The following MED12L variants were observed in gnomAD, a reference collection of about 807,000 sequenced individuals.
The protein encoded by MED12L is mediator complex subunit 12L.
Under a neutral mutation model 281.3 loss-of-function variants are expected in MED12L, and 60 were observed. That is an observed-to-expected ratio of 0.21 (90% CI 0.17 to 0.26). The LOEUF (loss-of-function observed/expected upper bound fraction) is 0.26, where lower values mean the gene tolerates loss of function less well. Ranked by LOEUF, MED12L falls within the 10% of genes least tolerant of loss-of-function variation. The probability of loss-of-function intolerance (pLI) is 1.00; values close to 1 mark genes in which losing one functional copy is unlikely to be tolerated. For synonymous variants in MED12L, 974 were observed against 987.2 expected (o/e 0.99, Z 0.25); for missense variants, 2,146 against 2,680.9 (o/e 0.80, Z 4.41).
chr3:151,092,676 A>C (rs982847002), intron 2 of MED12L, among the ~76,000 whole-genome samples: 3 of 152,038 alleles, frequency 2.0e-5, no homozygotes, highest in African/African-American at 7.2e-5. Context: ...AAAGGGGAGG[A>C]TGTTGATAAA....
At chr3:151,303,929 C>T (rs1746288387) in intron 16 of MED12L, among the ~76,000 whole-genome samples, 1 of 152,004 alleles carries the variant, frequency 6.6e-6, no homozygotes, top group South Asian at 2.1e-4. Flanking sequence ...TCATGTGAAC[C>T]AAAAAGAGAG....
At chr3:151,087,860 A>G (rs1386924555) in intron 2 of MED12L, among the ~76,000 whole-genome samples, 2 of 151,778 alleles carry the variant, frequency 1.3e-5, no homozygotes, top group East Asian at 3.9e-4. Context: ...ACCTTTGGCT[A>G]CACCATTTGC....
At position 151,294,206 on chromosome 3, in the gene MED12L, G is replaced by C. The variant is rs142901780; in HGVS notation, c.2251-55853G>C. 40 of 1,610,910 alleles carry C rather than the reference G, an allele frequency of 2.5e-5. No homozygotes were observed. In the African/African-American group the frequency reaches 5.2e-4, roughly 21 times the overall value. On this transcript the variant is annotated intron_variant, in intron 16 of 44. Coordinates refer to ENST00000687756, the MANE Select transcript of MED12L (RefSeq NM_001393769.1). ...GTAATCATAATATATGCGAACTTCC[G>C]ATCTTCTCACACTTTGCAGTGATCT...
At chr3:151,422,148 AC>A (rs2108430993) in intron 43 of MED12L, among the ~76,000 whole-genome samples, 1 of 152,298 alleles carries the variant, frequency 6.6e-6, no homozygotes, top group East Asian at 1.9e-4. Flanking sequence ...ACTTCCTGCC[AC>A]TAGAGGACTT....
At chr3:151,360,414 A>C in intron 20 of MED12L, 60 bp from the exon 21 acceptor site, 3 of 1,509,808 alleles carry the variant, frequency 2.0e-6, no homozygotes, top group Non-Finnish European at 2.7e-6. Flanking sequence ...TAAAAGAGTC[A>C]AATGATAACC....
chr3:151,408,936 T>C (rs552070003), intron 39 of MED12L, among the ~76,000 whole-genome samples: 5 of 152,196 alleles, frequency 3.3e-5, no homozygotes, highest in Non-Finnish European at 7.3e-5. Flanking sequence ...TAGTGGGACA[T>C]TTATACCCTG....
At chr3:151,104,006 A>G (rs1721704081) in intron 2 of MED12L, among the ~76,000 whole-genome samples, 1 of 152,168 alleles carries the variant, frequency 6.6e-6, no homozygotes, top group Non-Finnish European at 1.5e-5. Context: ...TATTATTACC[A>G]TGATTTTTTT....
intron 14 of MED12L, among the ~76,000 whole-genome samples, 171 bp downstream of exon 14, chr3:151,191,102 T>C (rs555758106): frequency 6.6e-6 from 1 of 152,364 alleles, no homozygotes; most frequent in East Asian, 1.9e-4. Context: ...CACTGTAGCT[T>C]CTTATGTCTT....
chr3:151,256,630 A>G (rs1336314919), intron 16 of MED12L, among the ~76,000 whole-genome samples: 2 of 152,250 alleles, frequency 1.3e-5, no homozygotes, highest in African/African-American at 4.8e-5. Flanking sequence ...CTGCTGTCCT[A>G]CAGGAAAGAC....
chr3:151,163,861 T>C (rs886772920), intron 8 of MED12L, 32 bp from the exon 9 acceptor site: 1 of 1,598,772 alleles, frequency 6.3e-7, no homozygotes, highest in Non-Finnish European at 8.6e-7. Flanking sequence ...CTCCTTCCTC[T>C]GAACATCCAA....
intron 16 of MED12L, chr3:151,337,866 C>G (rs1309279839): frequency 6.2e-7 from 1 of 1,613,150 alleles, no homozygotes. Context: ...TTCTTTTTTC[C>G]TATTGTCCTG....
chr3:151,283,910 A>G (rs1028187317), intron 16 of MED12L, among the ~76,000 whole-genome samples: 1 of 152,198 alleles, frequency 6.6e-6, no homozygotes, highest in African/African-American at 2.4e-5. Context: ...TGACCTGCAT[A>G]ATGATTCAAC....
At chr3:151,339,001 GA>G (rs1358040892) in intron 16 of MED12L, 5 of 707,136 alleles carry the variant, frequency 7.1e-6, no homozygotes, top group Non-Finnish European at 1.2e-5. Context: ...TATGAACACA[GA>G]AAACTGAATC....
chr3:151,268,083 G>A (rs1044257617), intron 16 of MED12L, among the ~76,000 whole-genome samples: 1 of 152,130 alleles, frequency 6.6e-6, no homozygotes, highest in African/African-American at 2.4e-5. Flanking sequence ...TGCATCGGTG[G>A]TAGTCTTTAA....
chr3:151,181,939 A>G (rs185337190), intron 11 of MED12L, among the ~76,000 whole-genome samples: 77 of 152,250 alleles, frequency 5.1e-4, no homozygotes, highest in African/African-American at 1.7e-3. Flanking sequence ...TGCTCATTTT[A>G]TGTAGCATTG....
At chr3:151,414,162 GTTC>G (rs1717284136) in intron 42 of MED12L, among the ~76,000 whole-genome samples, 1 of 152,030 alleles carries the variant, frequency 6.6e-6, no homozygotes, top group Admixed American at 6.6e-5. Context: ...TCCTTGATAT[GTTC>G]TTGTTTCTGA....
intron 11 of MED12L, among the ~76,000 whole-genome samples, chr3:151,168,689 G>A (rs1721019819): frequency 6.6e-6 from 1 of 152,314 alleles, no homozygotes; most frequent in East Asian, 1.9e-4. Context: ...GGATCCTTCT[G>A]TAATACTTAA....
At chr3:151,293,633 G>A (rs1744593659) in intron 16 of MED12L, among the ~76,000 whole-genome samples, 2 of 41,822 alleles carry the variant, frequency 4.8e-5, no homozygotes, top group South Asian at 1.4e-3. Context: ...CTAAAATGAA[G>A]CCCTTACACA....
At chr3:151,394,182 C>T (rs1201415915) in intron 38 of MED12L, among the ~76,000 whole-genome samples, 1 of 152,104 alleles carries the variant, frequency 6.6e-6, no homozygotes, top group African/African-American at 2.4e-5. Flanking sequence ...CATGCCTCTG[C>T]TATAAAACAG....
Sources: gnomAD v4.1 joint callset for allele counts (sites outside exome capture counted in the v4.1 genomes callset) on GRCh38, gnomAD v4.1.1 for gene constraint, MANE v1.5 for transcripts, NCBI Gene and HGNC (gene_info 2026-07-23, HGNC 2026-07-21) for gene names.